The following PTBP3 variants were observed in gnomAD, a reference collection of about 807,000 sequenced individuals.
PTBP3 encodes the protein polypyrimidine tract-binding protein 3.
In PTBP3, 20 loss-of-function variants were observed where a neutral mutation model predicts 58.7. The ratio of observed to expected loss-of-function variants is 0.34; its 90% CI spans 0.24 to 0.50. The LOEUF (loss-of-function observed/expected upper bound fraction) is 0.50, where lower values mean the gene tolerates loss of function less well. Among genes scored for constraint, PTBP3 ranks in the 20% least tolerant of loss-of-function variants. The pLI is 0.98. For synonymous variants in PTBP3, 185 were observed against 219.8 expected (o/e 0.84, Z 1.40); for missense variants, 509 against 637.2 (o/e 0.80, Z 2.17).
intron 7 of PTBP3, among the ~76,000 whole-genome samples, chr9:112,241,300 C>T (rs1835652090): frequency 6.6e-6 from 1 of 152,098 alleles, no homozygotes; most frequent in Non-Finnish European, 1.5e-5. Flanking sequence ...GATGGGGTTT[C>T]ATCATGTTGG....
At chr9:112,269,903 C>A (rs780732858) in intron 3 of PTBP3, among the ~76,000 whole-genome samples, 2 of 151,226 alleles carry the variant, frequency 1.3e-5, no homozygotes, top group Non-Finnish European at 2.9e-5. Context: ...CCAAGAACCA[C>A]ATAAAACCAG....
At chr9:112,227,658 G>T in intron 11 of PTBP3, 31 bp from the exon 12 acceptor site, 2 of 1,509,760 alleles carry the variant, frequency 1.3e-6, no homozygotes, top group South Asian at 1.1e-5. Context: ...TTTAAAGTTT[G>T]AGTATTAGGA....
chr9:112,333,881 C>T (rs1411942287), upstream of PTBP3, among the ~76,000 whole-genome samples: 2 of 149,462 alleles, frequency 1.3e-5, no homozygotes, highest in African/African-American at 4.9e-5. Context: ...CCCCCAGCCT[C>T]CCTCCTGCGT....
chr9:112,262,017 A>AT (rs1394676483), intron 5 of PTBP3, among the ~76,000 whole-genome samples: 1 of 152,198 alleles, frequency 6.6e-6, no homozygotes, highest in Non-Finnish European at 1.5e-5. Flanking sequence ...AACATGGTAT[A>AT]TTCATATTAC....
chr9:112,331,501 A>G (rs1186427654), intron 1 of PTBP3, among the ~76,000 whole-genome samples: 2 of 152,240 alleles, frequency 1.3e-5, no homozygotes, highest in African/African-American at 2.4e-5. Context: ...TAGATGATGT[A>G]AACTGTTTTT....
chr9:112,262,366 T>TA (rs1836632245), intron 5 of PTBP3, 69 bp downstream of exon 5: 1 of 1,299,700 alleles, frequency 7.7e-7, no homozygotes, highest in African/African-American at 1.6e-5. Flanking sequence ...ACAACTTAGA[T>TA]ATAAAACATC....
At chr9:112,249,834 T>TG (rs397749131) in intron 7 of PTBP3, among the ~76,000 whole-genome samples, 1 of 151,594 alleles carries the variant, frequency 6.6e-6, no homozygotes, top group Non-Finnish European at 1.5e-5. Context: ...TTTTTTTTTT[T>TG]GCACCAAATA....
Position 112,223,305 on chromosome 9 carries a change from C to T in PTBP3, c.*546G>A, listed in dbSNP as rs1454543889. On this transcript the variant is annotated 3_prime_UTR_variant, in exon 14 of 14. Coordinates refer to ENST00000374257, the MANE Select transcript of PTBP3 (RefSeq NM_001163788.4). ...GTTTATAAATCTGCTTCCAACACAA[C>T]TCAATGTGTTTATGCATAATAACCA... 14 of 965,114 alleles carry T rather than the reference C, an allele frequency of 1.5e-5. No individual in the cohort carries two copies. The highest frequency in any genetic ancestry group is 5.3e-4 in the Middle Eastern group (1 of 1,904). 59.8% of individuals were successfully genotyped at this position (965,114 alleles called of 1,614,324 possible).
At chr9:112,241,753 A>G (rs944338839) in intron 7 of PTBP3, among the ~76,000 whole-genome samples, 7 of 152,230 alleles carry the variant, frequency 4.6e-5, no homozygotes, top group African/African-American at 1.4e-4. Context: ...CACAATCAAG[A>G]TAACAAATAT....
chr9:112,333,535 A>G lies in PTBP3; in HGVS notation c.-117T>C. 6.4e-7 allele frequency: 1 copy of G among 1,561,914 alleles called. No homozygotes were observed. ...TGACGGGCTAACCGCGAGCAGAGGAAGCAGGCGGCGGCAGCAGGGCGGTTC... is the reference window on the plus strand; with the variant it reads ...TGACGGGCTAACCGCGAGCAGAGGAGGCAGGCGGCGGCAGCAGGGCGGTTC... On this transcript the variant is annotated 5_prime_UTR_variant, in exon 1 of 14. Transcript: ENST00000374257.
At chr9:112,343,296 C>T in the PTBP3 span, among the ~76,000 whole-genome samples, 9 of 151,162 alleles carry the variant, frequency 6.0e-5, no homozygotes, top group Non-Finnish European at 1.2e-4. Flanking sequence ...GCAGCCTCTG[C>T]CTCCCGGGTT....
chr9:112,357,895 T>G, the PTBP3 span, among the ~76,000 whole-genome samples: 1 of 151,806 alleles, frequency 6.6e-6, no homozygotes, highest in African/African-American at 2.4e-5. Flanking sequence ...ACTGGAAGAG[T>G]TGGAGATAGA....
At chr9:112,363,516 TCACACACACACACACACACACACACA>T in the PTBP3 span, among the ~76,000 whole-genome samples, 1 of 134,776 alleles carries the variant, frequency 7.4e-6, no homozygotes, top group Non-Finnish European at 1.6e-5. Flanking sequence ...AGCAAAACTG[TCACACACACACACACACACACACACA>T]CACACACACA....
the PTBP3 span, among the ~76,000 whole-genome samples, chr9:112,375,746 T>C: frequency 2.0e-5 from 3 of 152,192 alleles, no homozygotes; most frequent in Non-Finnish European, 4.4e-5. Context: ...AATACTGCTG[T>C]GCACGACCCA....
chr9:112,293,195 A>C (rs1828521834), intron 2 of PTBP3, among the ~76,000 whole-genome samples: 1 of 152,204 alleles, frequency 6.6e-6, no homozygotes, highest in Admixed American at 6.5e-5. Context: ...CTAACTTATG[A>C]TGTTAGAAGT....
chr9:112,378,752 A>T, the PTBP3 span, among the ~76,000 whole-genome samples: 1 of 152,254 alleles, frequency 6.6e-6, no homozygotes, highest in East Asian at 1.9e-4. Flanking sequence ...TCAGGTAATC[A>T]GCAATCACTT....
intron 1 of PTBP3, among the ~76,000 whole-genome samples, chr9:112,306,578 T>C (rs889814361): frequency 7.2e-6 from 1 of 138,390 alleles, no homozygotes; most frequent in African/African-American, 2.7e-5. Context: ...GAAAATTAAT[T>C]TAAATTTGTA....
chr9:112,230,093 C>CAA (rs1444382574), intron 10 of PTBP3, among the ~76,000 whole-genome samples: 1 of 151,926 alleles, frequency 6.6e-6, no homozygotes, highest in Non-Finnish European at 1.5e-5. Context: ...TGTGAATTTA[C>CAA]AAAAATCTTG....
At chr9:112,308,617 T>G (rs1587869934) in intron 1 of PTBP3, among the ~76,000 whole-genome samples, 1 of 151,968 alleles carries the variant, frequency 6.6e-6, no homozygotes, top group East Asian at 1.9e-4. Context: ...GAAGGAAAAC[T>G]TGGACAAGTG....
Sources: allele counts gnomAD v4.1 joint callset (sites outside exome capture counted in the v4.1 genomes callset), GRCh38; gene constraint gnomAD v4.1.1; transcripts MANE v1.5; gene names NCBI Gene and HGNC (gene_info 2026-07-23, HGNC 2026-07-21).